The following FAM174A variants were observed in gnomAD, a reference collection of about 807,000 sequenced individuals.
FAM174A encodes membrane protein FAM174A.
A neutral mutation model predicts 14.3 loss-of-function variants in FAM174A; 14 were observed. The observed-to-expected ratio is 0.98, with a 90% CI of 0.65 to 1.53. The LOEUF is 1.53. Among genes scored for constraint, FAM174A ranks in the 40% most tolerant of loss-of-function variants. FAM174A has a pLI of 0.00. For synonymous variants in FAM174A, 108 were observed against 111.4 expected (o/e 0.97, Z 0.19); for missense variants, 241 against 249.6 (o/e 0.97, Z 0.23).
chr5:100,555,809 T>C lies in FAM174A; in HGVS notation c.435-6245T>C, dbSNP rs187236932. Among the ~76,000 whole-genome samples the C allele has an allele frequency of 2.1e-3, 322 of 152,272 alleles. 3 individuals are homozygous for C. Among genetic ancestry groups the C allele is most frequent in the African/African-American group, 7.5e-3 (313 of 41,566 alleles). ...TTCTTTGAGTTTTCTTTGAGTTTTTTTCTTTTGAGTTCATTGTGGATTCTA... is the reference window on the plus strand; with the variant it reads ...TTCTTTGAGTTTTCTTTGAGTTTTTCTCTTTTGAGTTCATTGTGGATTCTA... On this transcript the variant is annotated intron_variant, in intron 1 of 2. Transcript: ENST00000312637.
intron 2 of FAM174A, among the ~76,000 whole-genome samples, chr5:100,567,228 A>G (rs1335715777): frequency 6.6e-6 from 1 of 151,870 alleles, no homozygotes; most frequent in East Asian, 1.9e-4. Flanking sequence ...TCTTTAATAT[A>G]TATCTAAATA....
chr5:100,563,761 T>G (rs982831253), intron 2 of FAM174A, among the ~76,000 whole-genome samples: 3 of 151,780 alleles, frequency 2.0e-5, no homozygotes, highest in African/African-American at 7.3e-5. Flanking sequence ...TCTTAACAAC[T>G]TTAAGAAGAT....
intron 2 of FAM174A, among the ~76,000 whole-genome samples, chr5:100,575,873 AG>A (rs1240242937): frequency 1.3e-5 from 2 of 152,312 alleles, no homozygotes. Context: ...AAGTGGGCAA[AG>A]GATATGAACA....
chr5:100,562,098 A>G lies in FAM174A; in HGVS notation c.479A>G (p.Asp160Gly), dbSNP rs774900923. The G allele has an allele frequency of 6.3e-7, 1 of 1,588,208 alleles. No homozygotes were observed. ...AAGACTAGGAGATATGGAGTTTTGG[A>G]CACTAACATAGAAAATATGGAATTG... ...NRKTRRYGVL[D>G]TNIENMELTP... The change falls in exon 2 of 3, where the codon GAC becomes GGC. Residue 160 changes from aspartate (D) to glycine (G), a missense_variant. Coordinates refer to ENST00000312637, the MANE Select transcript of FAM174A (RefSeq NM_198507.3).
chr5:100,556,679 T>C (rs970581838), intron 1 of FAM174A, among the ~76,000 whole-genome samples: 3 of 152,196 alleles, frequency 2.0e-5, no homozygotes, highest in Admixed American at 2.0e-4. Context: ...GTTAGATTCC[T>C]AGGTATTTTA....
At chr5:100,565,482 C>A (rs1672599319) in intron 2 of FAM174A, among the ~76,000 whole-genome samples, 1 of 151,698 alleles carries the variant, frequency 6.6e-6, no homozygotes, top group Admixed American at 6.6e-5. Context: ...AGTTAATAGC[C>A]AAAAATCTCA....
chr5:100,564,106 A>G (rs1746587830), intron 2 of FAM174A, among the ~76,000 whole-genome samples: 1 of 151,858 alleles, frequency 6.6e-6, no homozygotes. Flanking sequence ...ACCTTGCACC[A>G]TGAGTAAAAG....
At chr5:100,541,246 A>G (rs562911574) in intron 1 of FAM174A, among the ~76,000 whole-genome samples, 1 of 152,344 alleles carries the variant, frequency 6.6e-6, no homozygotes, top group African/African-American at 2.4e-5. Flanking sequence ...TTTTGTGGTA[A>G]TAAACTAAAC....
At chr5:100,573,832 A>AAGGCT (rs1183718933) in intron 2 of FAM174A, among the ~76,000 whole-genome samples, 1 of 151,544 alleles carries the variant, frequency 6.6e-6, no homozygotes, top group Non-Finnish European at 1.5e-5. Flanking sequence ...ACTATACTAC[A>AAGGCT]AGGCTACAGT....
chr5:100,555,298 T>C (rs1469459643), intron 1 of FAM174A, among the ~76,000 whole-genome samples: 1 of 151,938 alleles, frequency 6.6e-6, no homozygotes, highest in African/African-American at 2.4e-5. Context: ...ATGGTGTATA[T>C]GTGCCACATT....
intron 2 of FAM174A, among the ~76,000 whole-genome samples, chr5:100,566,027 T>C (rs550966826): frequency 6.6e-6 from 1 of 150,706 alleles, no homozygotes; most frequent in South Asian, 2.1e-4. Context: ...TTCAATTACC[T>C]CCCACCAGGT....
Position 100,542,908 on chromosome 5 carries a change from A to G in FAM174A, c.434+6944A>G, listed in dbSNP as rs1746090256. Among the ~76,000 whole-genome samples, 5 of 151,562 alleles carry G rather than the reference A, an allele frequency of 3.3e-5. No homozygotes were observed. In the South Asian group the frequency reaches 6.2e-4, roughly 19 times the overall value. Reference sequence around the variant, plus strand: ...GTGTAGGGGGTATATGTGTGTGTGTATATATATGTGTGTGTGTAATATATA... The same window carrying G: ...GTGTAGGGGGTATATGTGTGTGTGTGTATATATGTGTGTGTGTAATATATA... On this transcript the variant is annotated intron_variant, in intron 1 of 2. Transcript: ENST00000312637.
chr5:100,578,807 C>T (rs1326267168), intron 2 of FAM174A, among the ~76,000 whole-genome samples: 2 of 151,140 alleles, frequency 1.3e-5, no homozygotes, highest in Non-Finnish European at 2.9e-5. Flanking sequence ...ATGCATAGCC[C>T]AATGTGTTGC....
At chr5:100,541,487 C>T (rs1746051565) in intron 1 of FAM174A, among the ~76,000 whole-genome samples, 1 of 151,956 alleles carries the variant, frequency 6.6e-6, no homozygotes, top group African/African-American at 2.4e-5. Context: ...TTTCATTTCA[C>T]TCTTAACTGT....
chr5:100,570,070 C>T (rs1293694678), intron 2 of FAM174A, among the ~76,000 whole-genome samples: 2 of 151,844 alleles, frequency 1.3e-5, no homozygotes, highest in Non-Finnish European at 1.5e-5. Flanking sequence ...CAATATCAAA[C>T]ATCATTTAAA....
At chr5:100,569,100 A>T (rs1047746652) in intron 2 of FAM174A, among the ~76,000 whole-genome samples, 1 of 151,916 alleles carries the variant, frequency 6.6e-6, no homozygotes, top group Admixed American at 6.6e-5. Flanking sequence ...TCCTTTGAAG[A>T]CAAACAACTT....
At chr5:100,580,480 G>C (rs902723702) in intron 2 of FAM174A, among the ~76,000 whole-genome samples, 3 of 152,218 alleles carry the variant, frequency 2.0e-5, no homozygotes, top group Non-Finnish European at 4.4e-5. Flanking sequence ...AGAACTTGGA[G>C]TCCGATATTC....
chr5:100,585,062 T>C (rs181666399), intron 2 of FAM174A, among the ~76,000 whole-genome samples: 4 of 152,204 alleles, frequency 2.6e-5, no homozygotes, highest in Non-Finnish European at 5.9e-5. Context: ...TTACTGGAGA[T>C]ACGAATTGCC....
rs966829386 is a variant in FAM174A, at chr5:100,574,095, A to G, written c.569+11907A>G. On this transcript the variant is annotated intron_variant, in intron 2 of 2. Coordinates refer to ENST00000312637, the MANE Select transcript of FAM174A (RefSeq NM_198507.3). ...AATCATTATTTTTATTTGATTAATG[A>G]ACTGTATATGTGAGCACAATGTACC... 4.6e-5 allele frequency among the ~76,000 whole-genome samples: 7 copies of G among 152,248 alleles called. No homozygotes were observed. In the East Asian group the frequency reaches 1.3e-3, roughly 29 times the overall value.
Sources: gnomAD v4.1 joint callset for allele counts (sites outside exome capture counted in the v4.1 genomes callset) on GRCh38, gnomAD v4.1.1 for gene constraint, MANE v1.5 for transcripts, NCBI Gene and HGNC (gene_info 2026-07-23, HGNC 2026-07-21) for gene names.